Variants in TRPC1 observed in about 807,000 individuals in gnomAD.
TRPC1 encodes the protein transient receptor potential cation channel subfamily C member 1.
In TRPC1, 42 loss-of-function variants were observed where a neutral mutation model predicts 88.2. The ratio of observed to expected loss-of-function variants is 0.48; its 90% CI spans 0.37 to 0.62. The LOEUF is 0.62. Ranked by LOEUF, TRPC1 falls within the 20% of genes least tolerant of loss-of-function variation. The probability of loss-of-function intolerance (pLI) is 0.00; values close to 1 mark genes in which losing one functional copy is unlikely to be tolerated. For missense variants in TRPC1, 699 were observed against 957.3 expected (o/e 0.73, Z 3.56); for synonymous variants, 288 against 331.8 (o/e 0.87, Z 1.43).
rs1221743781 is a variant in TRPC1, at chr3:142,773,070, A to G, written c.633-4562A>G. 2.0e-5 allele frequency among the ~76,000 whole-genome samples: 3 copies of G among 152,164 alleles called. No homozygotes were observed. The East Asian group carries it at 5.8e-4, about 29-fold the overall frequency. Reference sequence around the variant, plus strand: ...CCTTAATTTCCTTTTTAAAGACTCCATCTCCAAATAAAGTTATATTTTGAT... The same window carrying G: ...CCTTAATTTCCTTTTTAAAGACTCCGTCTCCAAATAAAGTTATATTTTGAT... On this transcript the variant is annotated intron_variant, in intron 4 of 12. Transcript: ENST00000476941.
intron 1 of TRPC1, among the ~76,000 whole-genome samples, chr3:142,735,803 G>T (rs1934112997): frequency 4.0e-5 from 6 of 151,884 alleles, no homozygotes; most frequent in Admixed American, 3.9e-4. Context: ...TTGGGAGGGT[G>T]GGAAGTAGGG....
intron 1 of TRPC1, among the ~76,000 whole-genome samples, chr3:142,726,665 T>A (rs1237640392): frequency 6.6e-6 from 1 of 152,214 alleles, no homozygotes; most frequent in East Asian, 1.9e-4. Context: ...ATTTAAAAAG[T>A]AACTTTGAGT....
chr3:142,754,809 G>T (rs73864423), intron 4 of TRPC1, among the ~76,000 whole-genome samples: 22 of 152,130 alleles, frequency 1.4e-4, no homozygotes, highest in African/African-American at 5.3e-4. Context: ...AGACTGCTTA[G>T]TGCCACAGTC....
Position 142,760,332 on chromosome 3 carries a change from A to G in TRPC1, c.632+11872A>G, listed in dbSNP as rs151060250. ...CAGCTTTCCCAGCAGCATTTATTAA[A>G]AAGACTATCCTTTCCCCAAAATATG... On this transcript the variant is annotated intron_variant, in intron 4 of 12. Coordinates refer to ENST00000476941, the MANE Select transcript of TRPC1 (RefSeq NM_001251845.2). 1.1e-4 allele frequency among the ~76,000 whole-genome samples: 17 copies of G among 152,334 alleles called. No individual in the cohort carries two copies. In the East Asian group the frequency reaches 3.3e-3, roughly 29 times the overall value.
At chr3:142,731,088 A>C (rs114584872) in intron 1 of TRPC1, among the ~76,000 whole-genome samples, 1 of 152,138 alleles carries the variant, frequency 6.6e-6, no homozygotes, top group African/African-American at 2.4e-5. Context: ...GTTGCTAAGG[A>C]TCTATGGGAT....
intron 4 of TRPC1, among the ~76,000 whole-genome samples, chr3:142,766,216 A>G: frequency 6.6e-6 from 1 of 152,072 alleles, no homozygotes; most frequent in African/African-American, 2.4e-5. Flanking sequence ...CAAAGTATTG[A>G]TCCTGGGTGT....
chr3:142,780,777 T>C, intron 5 of TRPC1, 57 bp from the exon 6 acceptor site: 2 of 1,491,266 alleles, frequency 1.3e-6, no homozygotes, highest in Non-Finnish European at 1.8e-6. Flanking sequence ...TTAGTGAATA[T>C]AGCTTAATTA....
rs979006783 is a variant in TRPC1 at position 142,767,680 on chromosome 3, A to C, written c.633-9952A>C. On this transcript the variant is annotated intron_variant, in intron 4 of 12. Transcript: ENST00000476941. The surrounding 1 kb of genome is among the most constrained non-coding windows in gnomAD (Gnocchi z 5.1). ...TCTTAGGATATTCACAAAGTTGTGC[A>C]TCACTTCAAAAAGAAACCCTATATT... Among the ~76,000 whole-genome samples the C allele has an allele frequency of 6.6e-6, 1 of 150,956 alleles. No individual in the cohort carries two copies. The highest frequency in any genetic ancestry group is 2.4e-5 in the African/African-American group (1 of 41,298).
chr3:142,793,110 G>A, intron 9 of TRPC1, 143 bp downstream of exon 9: 1 of 700,164 alleles, frequency 1.4e-6, no homozygotes, highest in East Asian at 3.3e-5. Context: ...GAAGGACACA[G>A]CATGTTTATC....
chr3:142,736,457 G>T lies in TRPC1; in HGVS notation c.251G>T (p.Gly84Val). 6.2e-7 allele frequency: 1 copy of T among 1,612,758 alleles called. No homozygotes were observed. The highest frequency in any genetic ancestry group is 8.5e-7 in the Non-Finnish European group (1 of 1,179,522). Residue 84 changes from glycine to valine, a missense_variant, in exon 2 of 13, where the codon GGG becomes GTG. Around this residue, in one of 4 missense-constraint regions of TRPC1, gnomAD observed 157 missense variants for 127.0 expected, o/e 1.24. Transcript: ENST00000476941. ...AACATAAATTGCGTAGATGTGCTTG[G>T]GAGAAATGCTGTTACCATAACTATT... ...DLNINCVDVL[G>V]RNAVTITIEN... is the part of the protein sequence containing the mutation.
At chr3:142,782,797 T>C (rs1309413349) in intron 6 of TRPC1, among the ~76,000 whole-genome samples, 1 of 152,174 alleles carries the variant, frequency 6.6e-6, no homozygotes. Context: ...ACTTTGAGGA[T>C]GTGGTCTGAG....
Position 142,776,624 on chromosome 3 carries a change from T to C in TRPC1, c.633-1008T>C, listed in dbSNP as rs1461860509. 1.3e-5 allele frequency among the ~76,000 whole-genome samples: 2 copies of C among 152,058 alleles called. No individual in the cohort carries two copies. The highest frequency in any genetic ancestry group is 6.6e-5 in the Admixed American group (1 of 15,264). ...TGAGCATATTAAAATATTTTTATGG[T>C]CTGGGCGCGGTGGCTCACGCCTGTA... is the stretch of plus-strand genomic sequence containing the variant. On this transcript the variant is annotated intron_variant, in intron 4 of 12. Coordinates refer to ENST00000476941, the MANE Select transcript of TRPC1 (RefSeq NM_001251845.2). This position sits in a 1 kb window ranked among gnomAD's most constrained non-coding sequence, Gnocchi z 4.1.
chr3:142,772,274 A>G (rs922779041), intron 4 of TRPC1, among the ~76,000 whole-genome samples: 30 of 152,032 alleles, frequency 2.0e-4, no homozygotes, highest in African/African-American at 6.8e-4. Context: ...TTCTTCTTAC[A>G]GTACTTCCAT....
intron 1 of TRPC1, among the ~76,000 whole-genome samples, chr3:142,727,190 A>G (rs1034402337): frequency 6.6e-6 from 1 of 152,220 alleles, no homozygotes; most frequent in African/African-American, 2.4e-5. Flanking sequence ...ACATTTGTTC[A>G]ATGAAGGGTA....
chr3:142,747,451 C>G (rs1934598260), intron 3 of TRPC1, among the ~76,000 whole-genome samples: 1 of 152,106 alleles, frequency 6.6e-6, no homozygotes, highest in Non-Finnish European at 1.5e-5. Context: ...CATGCTCTTA[C>G]CACACCCATG....
At chr3:142,754,373 T>C (rs1050783746) in intron 4 of TRPC1, among the ~76,000 whole-genome samples, 4 of 151,990 alleles carry the variant, frequency 2.6e-5, no homozygotes, top group African/African-American at 9.7e-5. Context: ...TTGGGAAAGA[T>C]AGCAAAGAAA....
Position 142,792,424 on chromosome 3 carries a change from A to G in TRPC1, c.1438-400A>G, listed in dbSNP as rs1040571495. Among the ~76,000 whole-genome samples, 1 of 151,972 alleles carries G rather than the reference A, an allele frequency of 6.6e-6. No individual in the cohort carries two copies. Among genetic ancestry groups the G allele is most frequent in the Non-Finnish European group, 1.5e-5 (1 of 67,932 alleles). ...TTTGTATTTAAAAGGGGGGAAAAAA[A>G]CTCTGAATTCCAAGTCAAAGCAGTA... is the stretch of plus-strand genomic sequence containing the variant. On this transcript the variant is annotated intron_variant, in intron 8 of 12. Coordinates refer to ENST00000476941, the MANE Select transcript of TRPC1 (RefSeq NM_001251845.2). The surrounding 1 kb of genome is among the most constrained non-coding windows in gnomAD (Gnocchi z 4.0).
intron 6 of TRPC1, among the ~76,000 whole-genome samples, chr3:142,783,113 A>G (rs368396501): frequency 6.6e-6 from 1 of 152,172 alleles, no homozygotes; most frequent in Non-Finnish European, 1.5e-5. Flanking sequence ...TCCATCTTTC[A>G]CTGCAGACTT....
chr3:142,778,036 G>T (rs967326172), intron 5 of TRPC1, among the ~76,000 whole-genome samples: 41 of 152,140 alleles, frequency 2.7e-4, no homozygotes, highest in African/African-American at 9.7e-4. Context: ...TTGTAGAGCA[G>T]TATGAAATAC....
Sources: gnomAD v4.1 joint callset for allele counts (sites outside exome capture counted in the v4.1 genomes callset) on GRCh38, gnomAD v4.1.1 for gene constraint, gnomAD v4.1.1 regional missense constraint, Gnocchi (gnomAD v3.1) non-coding constraint, MANE v1.5 for transcripts, NCBI Gene and HGNC (gene_info 2026-07-23, HGNC 2026-07-21) for gene names.